The following CLASP2 variants were observed in gnomAD, a reference collection of about 807,000 sequenced individuals.
The protein encoded by CLASP2 is cytoplasmic linker associated protein 2, also known as CLIP-associating protein 2.
CLASP2 carries 47 observed loss-of-function variants against 194.4 expected under a neutral mutation model. The observed-to-expected ratio is 0.24, with a 90% CI of 0.19 to 0.31. The LOEUF is 0.31. CLASP2 is among the 10% of genes least tolerant of loss of function. The pLI, the probability that CLASP2 is intolerant of heterozygous loss-of-function variation, is 1.00. For missense variants in CLASP2, 1,445 were observed against 1,823.6 expected, an observed-to-expected ratio of 0.79 and a Z score of 3.78; for synonymous variants, 619 against 633.5, an observed-to-expected ratio of 0.98 and a Z score of 0.34.
Position 33,516,091 on chromosome 3 carries a change from T to G in CLASP2, c.4042A>C (p.Arg1348=). The change falls in exon 36 of 39, where the codon AGA becomes CGA. Residue 1348 remains arginine (R), a synonymous_variant. Coordinates refer to ENST00000682230, the MANE Select transcript of CLASP2 (RefSeq NM_001365631.1). Reference sequence around the variant, plus strand: ...GTCAATTCTGCATAGTTTTTAAATCTTGCTGGTTGATGCCTTAGGATTTCT... The same window carrying G: ...GTCAATTCTGCATAGTTTTTAAATCGTGCTGGTTGATGCCTTAGGATTTCT... ...LREILRHQPA[R]FKNYAELTVM... is the part of the protein sequence containing the mutation. 7.5e-6 allele frequency: 12 copies of G among 1,610,552 alleles called. No homozygotes were observed. Among genetic ancestry groups the G allele is most frequent in the Non-Finnish European group, 9.3e-6 (11 of 1,178,200 alleles).
At chr3:33,555,714 T>C (rs2060805610) in intron 29 of CLASP2, among the ~76,000 whole-genome samples, 1 of 152,180 alleles carries the variant, frequency 6.6e-6, no homozygotes, top group Non-Finnish European at 1.5e-5. Context: ...TCAGTGTGAA[T>C]AGCTGGAAGG....
intron 30 of CLASP2, among the ~76,000 whole-genome samples, chr3:33,548,709 G>C (rs1011458216): frequency 1.1e-4 from 17 of 150,472 alleles, no homozygotes; most frequent in African/African-American, 4.1e-4. Flanking sequence ...TTATCAGCTT[G>C]AGACATTTTC....
At chr3:33,636,984 T>A (rs912137792) in intron 8 of CLASP2, among the ~76,000 whole-genome samples, 2 of 152,326 alleles carry the variant, frequency 1.3e-5, no homozygotes, top group African/African-American at 4.8e-5. Context: ...ATATCCTGGT[T>A]TGAATTTTAA....
At chr3:33,669,628 AAAG>A (rs1250271627) in intron 6 of CLASP2, among the ~76,000 whole-genome samples, 2 of 152,160 alleles carry the variant, frequency 1.3e-5, no homozygotes, top group Non-Finnish European at 2.9e-5. Context: ...GAACACCACA[AAAG>A]AAGACATCCA....
intron 34 of CLASP2, among the ~76,000 whole-genome samples, chr3:33,533,469 A>T (rs979891040): frequency 6.6e-6 from 1 of 152,240 alleles, no homozygotes; most frequent in Non-Finnish European, 1.5e-5. Context: ...TTTCTTGTTA[A>T]TAAAAATTTT....
chr3:33,689,760 C>T (rs2091135222), intron 3 of CLASP2, 69 bp downstream of exon 3: 1 of 1,029,274 alleles, frequency 9.7e-7, no homozygotes, highest in East Asian at 2.8e-5. Context: ...AGTGTTCATG[C>T]TTGCTGTGGC....
chr3:33,551,079 A>C (rs905325540), intron 30 of CLASP2, among the ~76,000 whole-genome samples, 173 bp downstream of exon 30: 2 of 152,230 alleles, frequency 1.3e-5, no homozygotes, highest in African/African-American at 4.8e-5. Context: ...TTTGAAAATT[A>C]TGCTCACATT....
intron 32 of CLASP2, among the ~76,000 whole-genome samples, chr3:33,539,983 C>G (rs1338393749): frequency 2.0e-5 from 3 of 149,006 alleles, no homozygotes; most frequent in African/African-American, 7.4e-5. Context: ...AATGGCGCAA[C>G]CTTGGCTCAC....
chr3:33,629,253 C>T (rs1414940528), intron 9 of CLASP2, among the ~76,000 whole-genome samples: 5 of 152,080 alleles, frequency 3.3e-5, no homozygotes, highest in Non-Finnish European at 7.4e-5. Context: ...AACTGAAGAA[C>T]CCAGCCACGT....
chr3:33,574,023 T>C (rs2064300571), intron 24 of CLASP2, among the ~76,000 whole-genome samples: 1 of 152,166 alleles, frequency 6.6e-6, no homozygotes, highest in Non-Finnish European at 1.5e-5. Context: ...AGAAAGCATA[T>C]TCAGATTCCT....
At chr3:33,681,264 C>T (rs1019857451) in intron 6 of CLASP2, among the ~76,000 whole-genome samples, 3 of 152,098 alleles carry the variant, frequency 2.0e-5, no homozygotes, top group East Asian at 1.9e-4. Context: ...AGAATTTACT[C>T]AAATGGAATT....
chr3:33,603,082 C>T lies in CLASP2; in HGVS notation c.1794G>A (p.Leu598=), dbSNP rs368071559. The T allele has an allele frequency of 1.9e-6, 3 of 1,592,262 alleles. No individual in the cohort carries two copies. The highest frequency in any genetic ancestry group is 2.6e-6 in the Non-Finnish European group (3 of 1,168,244). Residue 598 remains leucine, a synonymous_variant, in exon 18 of 39, where the codon CTG becomes CTA. Coordinates refer to ENST00000682230, the MANE Select transcript of CLASP2 (RefSeq NM_001365631.1). ...CATCAATGTCACTTCGTGAACGCTGCAGGCTTCCTGGAAGGGAACTGGCTT... is the reference window on the plus strand; with the variant it reads ...CATCAATGTCACTTCGTGAACGCTGTAGGCTTCCTGGAAGGGAACTGGCTT... The part of the protein sequence containing the change: ...SSKASSLPGS[L]QRSRSDIDVN...
chr3:33,562,658 T>C (rs2061987138), intron 27 of CLASP2, among the ~76,000 whole-genome samples: 1 of 152,148 alleles, frequency 6.6e-6, no homozygotes, highest in Admixed American at 6.5e-5. Flanking sequence ...TGTCCTATTC[T>C]TTGGTTCACT....
chr3:33,618,526 T>C (rs914155739), intron 12 of CLASP2, among the ~76,000 whole-genome samples: 5 of 126,158 alleles, frequency 4.0e-5, no homozygotes, highest in African/African-American at 1.5e-4. Flanking sequence ...TGGGTGCCTG[T>C]AGTACCCGCT....
At chr3:33,660,068 T>C (rs527672099) in intron 7 of CLASP2, among the ~76,000 whole-genome samples, 1 of 152,224 alleles carries the variant, frequency 6.6e-6, no homozygotes, top group Non-Finnish European at 1.5e-5. Context: ...CAAGACTGCA[T>C]TAGGTCCTAA....
Position 33,660,539 on chromosome 3 carries a change from C to T in CLASP2, c.715+2906G>A, listed in dbSNP as rs375560833. Among the ~76,000 whole-genome samples, 5 of 151,970 alleles carry T rather than the reference C, an allele frequency of 3.3e-5. No individual in the cohort carries two copies. The East Asian group carries it at 7.7e-4, about 23-fold the overall frequency. ...TTTAGTAAAATGATTTTTTTCATCA[C>T]GAAACACTCTAAATCAATATGCTGT... On this transcript the variant is annotated intron_variant, in intron 7 of 38. Coordinates refer to ENST00000682230, the MANE Select transcript of CLASP2 (RefSeq NM_001365631.1).
intron 7 of CLASP2, among the ~76,000 whole-genome samples, chr3:33,651,491 T>G (rs886616593): frequency 3.3e-5 from 5 of 151,994 alleles, no homozygotes; most frequent in Admixed American, 1.3e-4. Flanking sequence ...ATGACCTTAT[T>G]AATTTTCTAA....
rs576746807 is a variant in CLASP2 at position 33,585,747 on chromosome 3, C to T, written c.2069-827G>A. On this transcript the variant is annotated intron_variant, in intron 21 of 38. Transcript: ENST00000682230. Reference sequence around the variant, plus strand: ...TCTCCTTCCCAGTATTATAATTTTACGGGACTACTGTCACATATGTGGTCA... The same window carrying T: ...TCTCCTTCCCAGTATTATAATTTTATGGGACTACTGTCACATATGTGGTCA... Among the ~76,000 whole-genome samples, 19 of 151,854 alleles carry T rather than the reference C, an allele frequency of 1.3e-4. No homozygotes were observed. The South Asian group carries it at 2.3e-3, about 18-fold the overall frequency.
At chr3:33,673,199 C>T (rs1015909881) in intron 6 of CLASP2, among the ~76,000 whole-genome samples, 32 of 152,264 alleles carry the variant, frequency 2.1e-4, no homozygotes, top group Non-Finnish European at 3.7e-4. Flanking sequence ...AGAGAAAGGT[C>T]GGGTTACCCA....
Sources: gnomAD v4.1 joint callset for allele counts (sites outside exome capture counted in the v4.1 genomes callset) on GRCh38, gnomAD v4.1.1 for gene constraint, MANE v1.5 for transcripts, NCBI Gene and HGNC (gene_info 2026-07-23, HGNC 2026-07-21) for gene names.